Variants in ACAT1 observed in about 807,000 individuals in gnomAD.
ACAT1 encodes the protein acetyl-CoA acetyltransferase, mitochondrial.
In ACAT1, 28 loss-of-function variants were observed where a neutral mutation model predicts 47.3. The ratio of observed to expected loss-of-function variants is 0.59; its 90% CI spans 0.44 to 0.81. The LOEUF (loss-of-function observed/expected upper bound fraction) is 0.81. Among genes scored for constraint, ACAT1 ranks in the 30% least tolerant of loss-of-function variants. ACAT1 has a pLI of 0.00. For synonymous variants in ACAT1, 181 were observed against 173.6 expected, an observed-to-expected ratio of 1.04 and a Z score of -0.34; for missense variants, 469 against 524.3, an observed-to-expected ratio of 0.89 and a Z score of 1.03.
At chr11:108,133,496 T>C (rs1330977097) in intron 2 of ACAT1, among the ~76,000 whole-genome samples, 1 of 152,076 alleles carries the variant, frequency 6.6e-6, no homozygotes, top group Non-Finnish European at 1.5e-5. Context: ...AAAACAAAAA[T>C]ACAAAAACAA....
At chr11:108,120,909 T>A (rs1424907709), upstream of ACAT1, among the ~76,000 whole-genome samples, 20 of 144,734 alleles carry the variant, frequency 1.4e-4, no homozygotes, top group Admixed American at 9.0e-4. Flanking sequence ...AAAAAAAAAA[T>A]ACAACAATTT....
At chr11:108,145,525 C>CCTGT (rs2077686767) in intron 10 of ACAT1, among the ~76,000 whole-genome samples, 1 of 150,876 alleles carries the variant, frequency 6.6e-6, no homozygotes, top group Non-Finnish European at 1.5e-5. Flanking sequence ...AGAGCAAGAC[C>CCTGT]CTGTCTCAAA....
At chr11:108,140,239 A>C (rs1200460517) in intron 7 of ACAT1, 24 bp downstream of exon 7, 1 of 1,612,944 alleles carries the variant, frequency 6.2e-7, no homozygotes, top group Non-Finnish European at 8.5e-7. Flanking sequence ...TCCAAAAAGG[A>C]TGAATAGACT....
upstream of ACAT1, among the ~76,000 whole-genome samples, chr11:108,117,682 TAGTCTA>T: frequency 6.6e-6 from 1 of 152,172 alleles, no homozygotes; most frequent in Non-Finnish European, 1.5e-5. Context: ...GTTATTCCAG[TAGTCTA>T]AGTTTGACAG....
chr11:108,121,729 C>T, intron 1 of ACAT1, 51 bp downstream of exon 1: 1 of 1,532,270 alleles, frequency 6.5e-7, no homozygotes. Flanking sequence ...CGAGGAGTCC[C>T]CGCCTCGGAA....
intron 1 of ACAT1, among the ~76,000 whole-genome samples, chr11:108,123,616 C>G (rs1232418475): frequency 6.6e-6 from 1 of 152,190 alleles, no homozygotes; most frequent in African/African-American, 2.4e-5. Flanking sequence ...TTCTCCTTAA[C>G]TCTCTGCAGT....
intron 10 of ACAT1, chr11:108,144,345 G>A: frequency 2.6e-6 from 1 of 388,536 alleles, no homozygotes; most frequent in East Asian, 5.0e-5. Context: ...ACAAAGCGGA[G>A]GGAATGCTGG....
At chr11:108,131,781 C>T (rs946216633) in intron 1 of ACAT1, 126 bp from the exon 2 acceptor site, 2 of 383,174 alleles carry the variant, frequency 5.2e-6, no homozygotes, top group Non-Finnish European at 9.3e-6. Flanking sequence ...ATTCTGACCA[C>T]AAAAAACTTG....
chr11:108,135,943 C>A (rs185412280), intron 5 of ACAT1: 1 of 432,042 alleles, frequency 2.3e-6, no homozygotes, highest in Non-Finnish European at 4.1e-6. Context: ...AAGGAGAACA[C>A]GGTGCTTAAC....
chr11:108,122,357 G>GCTT (rs2077169119), intron 1 of ACAT1, among the ~76,000 whole-genome samples: 1 of 152,256 alleles, frequency 6.6e-6, no homozygotes, highest in Admixed American at 6.5e-5. Context: ...CGTAAGCAAG[G>GCTT]GAGTACGCAC....
chr11:108,145,073 A>C lies in ACAT1; in HGVS notation c.1005+1026A>C, dbSNP rs146998735. 7.9e-3 allele frequency among the ~76,000 whole-genome samples: 1,199 copies of C among 152,256 alleles called. 12 individuals are homozygous for C. Among genetic ancestry groups the C allele is most frequent in the African/African-American group, 0.027 (1,103 of 41,532 alleles). ...TTTTATTATCGCTCACAACAATCAAATTTCTTCTGTAAAGAAAAAGGGCAC... is the reference window on the plus strand; with the variant it reads ...TTTTATTATCGCTCACAACAATCAACTTTCTTCTGTAAAGAAAAAGGGCAC... On this transcript the variant is annotated intron_variant, in intron 10 of 11. Coordinates refer to ENST00000265838, the MANE Select transcript of ACAT1 (RefSeq NM_000019.4).
intron 1 of ACAT1, among the ~76,000 whole-genome samples, chr11:108,130,525 C>G (rs1280418895): frequency 6.6e-6 from 1 of 151,660 alleles, no homozygotes; most frequent in Non-Finnish European, 1.5e-5. Flanking sequence ...TCCTGAGTAG[C>G]TGGGCTTACA....
chr11:108,124,858 T>G (rs1034529994), intron 1 of ACAT1, among the ~76,000 whole-genome samples: 3 of 152,196 alleles, frequency 2.0e-5, no homozygotes, highest in African/African-American at 7.2e-5. Context: ...AAATGTTCTT[T>G]TCCTGGATCT....
rs2077527327 is a variant in ACAT1 at position 108,138,998 on chromosome 11, T to C, written c.536T>C (p.Ile179Thr). The C allele has an allele frequency of 1.2e-6, 2 of 1,614,042 alleles. No homozygotes were observed. Among genetic ancestry groups the C allele is most frequent in the African/African-American group, 1.3e-5 (1 of 74,916 alleles). The change falls in exon 6 of 12, where the codon ATT (isoleucine) becomes ACT (threonine). Residue 179 changes from isoleucine to threonine, a missense_variant. Transcript: ENST00000265838. ...PYGGVKLEDL[I>T]VKDGLTDVYN... Reference sequence around the variant, plus strand: ...GGTGGGGTAAAGCTTGAAGATTTGATTGTAAAAGACGGGCTAACTGATGTC... The same window carrying C: ...GGTGGGGTAAAGCTTGAAGATTTGACTGTAAAAGACGGGCTAACTGATGTC...
chr11:108,147,456 A>T lies in ACAT1; in HGVS notation c.*66A>T. On this transcript the variant is annotated 3_prime_UTR_variant, in exon 12 of 12. Transcript: ENST00000265838. Reference sequence around the variant, plus strand: ...AAGGCCTGCTGTAATCAGTGTGACTACTGTGGGTCAGCTTATATTCAGATA... The same window carrying T: ...AAGGCCTGCTGTAATCAGTGTGACTTCTGTGGGTCAGCTTATATTCAGATA... 1 of 1,590,666 alleles carries T rather than the reference A, an allele frequency of 6.3e-7. No homozygotes were observed. Among genetic ancestry groups the T allele is most frequent in the Non-Finnish European group, 8.6e-7 (1 of 1,163,032 alleles).
At chr11:108,134,353 G>T in intron 4 of ACAT1, 37 bp downstream of exon 4, 1 of 1,545,046 alleles carries the variant, frequency 6.5e-7, no homozygotes, top group Non-Finnish European at 8.9e-7. Flanking sequence ...TACTTAAAAT[G>T]TGTAAAAGGG....
At chr11:108,138,807 G>A in intron 5 of ACAT1, 91 bp from the exon 6 acceptor site, 3 of 1,405,638 alleles carry the variant, frequency 2.1e-6, no homozygotes, top group Non-Finnish European at 3.0e-6. Flanking sequence ...AATGCATGTA[G>A]AATACTTGTT....
upstream of ACAT1, among the ~76,000 whole-genome samples, chr11:108,120,934 C>A (rs981078311): frequency 2.0e-5 from 3 of 152,094 alleles, no homozygotes; most frequent in African/African-American, 7.2e-5. Context: ...GGCGTGGTCG[C>A]CTGCGCCTGT....
intron 5 of ACAT1, 151 bp downstream of exon 5, chr11:108,135,393 A>G (rs374734211): frequency 2.9e-6 from 2 of 684,366 alleles, no homozygotes; most frequent in East Asian, 2.8e-5. Context: ...TGGATTTGCT[A>G]AGTCCATTTG....
Sources: gnomAD v4.1 joint callset for allele counts (sites outside exome capture counted in the v4.1 genomes callset) on GRCh38, gnomAD v4.1.1 for gene constraint, MANE v1.5 for transcripts, NCBI Gene and HGNC (gene_info 2026-07-23, HGNC 2026-07-21) for gene names.